The following TP63 variants were observed in gnomAD, a reference collection of about 807,000 sequenced individuals.
TP63 encodes tumor protein 63.
A neutral mutation model predicts 82.8 loss-of-function variants in TP63; 17 were observed. The observed-to-expected ratio is 0.21, with a 90% confidence interval of 0.14 to 0.31. The LOEUF (loss-of-function observed/expected upper bound fraction) is 0.31. Ranked by LOEUF, TP63 falls within the 10% of genes least tolerant of loss-of-function variation. The probability of loss-of-function intolerance (pLI) is 1.00; values close to 1 mark genes in which losing one functional copy is unlikely to be tolerated. For missense variants in TP63, 648 were observed against 895.3 expected (o/e 0.72, Z 3.52); for synonymous variants, 330 against 321.7 (o/e 1.03, Z -0.28).
chr3:189,715,184 G>A (rs995009496), intron 1 of TP63, among the ~76,000 whole-genome samples: 1 of 151,964 alleles, frequency 6.6e-6, no homozygotes, highest in African/African-American at 2.4e-5. Context: ...AGAAATCTTT[G>A]AGGCCCTAGA....
intron 1 of TP63, among the ~76,000 whole-genome samples, chr3:189,655,956 A>G (rs1713315180): frequency 1.3e-5 from 2 of 152,204 alleles, no homozygotes; most frequent in South Asian, 2.1e-4. Flanking sequence ...AAGAAAAGAC[A>G]TTGACAGGGA....
At chr3:189,777,089 C>T (rs1723860387) in intron 3 of TP63, among the ~76,000 whole-genome samples, 1 of 152,202 alleles carries the variant, frequency 6.6e-6, no homozygotes, top group Non-Finnish European at 1.5e-5. Context: ...GAGAAAGATA[C>T]AGATAATTCA....
intron 1 of TP63, among the ~76,000 whole-genome samples, chr3:189,733,542 A>T (rs1577321340): frequency 6.6e-6 from 1 of 152,216 alleles, no homozygotes; most frequent in East Asian, 1.9e-4. Flanking sequence ...GATGTTGGGG[A>T]TGTCCTTATG....
intron 1 of TP63, among the ~76,000 whole-genome samples, chr3:189,685,336 A>G (rs1716348391): frequency 6.6e-6 from 1 of 152,162 alleles, no homozygotes. Flanking sequence ...TTTGCCCTGC[A>G]TTGCAGGTTG....
chr3:189,759,619 C>T lies in TP63; in HGVS notation c.324+20845C>T, dbSNP rs766733641. Among the ~76,000 whole-genome samples the T allele has an allele frequency of 9.2e-5, 14 of 152,192 alleles. No homozygotes were observed. In the East Asian group the frequency reaches 1.3e-3, roughly 15 times the overall value. On this transcript the variant is annotated intron_variant, in intron 3 of 13. Coordinates refer to ENST00000264731, the MANE Select transcript of TP63 (RefSeq NM_003722.5). ...GGGACAAATTGAAGCTAAGGGCTCA[C>T]GGGTCATAGGTGGACTCAAAGATTT...
intron 1 of TP63, among the ~76,000 whole-genome samples, chr3:189,720,791 G>C (rs1719332043): frequency 6.6e-6 from 1 of 151,044 alleles, no homozygotes; most frequent in Admixed American, 6.6e-5. Context: ...GAGCAGATAG[G>C]GAGATAGGGA....
Position 189,827,078 on chromosome 3 carries a change from T to G in TP63, c.579+18552T>G, listed in dbSNP as rs575416740. ...AAGCCCATAATATAGTTCCTGCCAC[T>G]GAGCAGGGCCTTGATAAATTGTGCT... On this transcript the variant is annotated intron_variant, in intron 4 of 13. Coordinates refer to ENST00000264731, the MANE Select transcript of TP63 (RefSeq NM_003722.5). 1.3e-4 allele frequency among the ~76,000 whole-genome samples: 20 copies of G among 152,360 alleles called. No individual in the cohort carries two copies. The East Asian group carries it at 3.7e-3, about 28-fold the overall frequency.
At chr3:189,814,018 G>T (rs1560211123) in intron 4 of TP63, among the ~76,000 whole-genome samples, 1 of 152,194 alleles carries the variant, frequency 6.6e-6, no homozygotes, top group Non-Finnish European at 1.5e-5. Context: ...GGTGGCGTTT[G>T]AAAGGGGAAC....
intron 1 of TP63, among the ~76,000 whole-genome samples, chr3:189,685,346 G>T (rs1026488711): frequency 6.6e-6 from 1 of 152,138 alleles, no homozygotes; most frequent in Non-Finnish European, 1.5e-5. Context: ...ATTGCAGGTT[G>T]TTTCTTCCTC....
intron 3 of TP63, among the ~76,000 whole-genome samples, chr3:189,763,189 G>A (rs2108542245): frequency 6.6e-6 from 1 of 152,226 alleles, no homozygotes; most frequent in South Asian, 2.1e-4. Flanking sequence ...TGGGAGTGTT[G>A]CTTGAGCCTG....
chr3:189,810,239 G>A, intron 4 of TP63, among the ~76,000 whole-genome samples: 1 of 152,128 alleles, frequency 6.6e-6, no homozygotes, highest in East Asian at 1.9e-4. Context: ...ATAGTTGGTT[G>A]ATTGATCTAA....
chr3:189,721,498 G>T (rs918901067), intron 1 of TP63, among the ~76,000 whole-genome samples: 3 of 151,448 alleles, frequency 2.0e-5, no homozygotes, highest in Admixed American at 1.3e-4. Context: ...TGCATTGCCC[G>T]TTGTGATTGG....
chr3:189,815,996 A>G (rs142434062), intron 4 of TP63, among the ~76,000 whole-genome samples: 1 of 152,260 alleles, frequency 6.6e-6, no homozygotes, highest in African/African-American at 2.4e-5. Flanking sequence ...GCAGGATTGG[A>G]TACTTGGAAG....
chr3:189,748,508 C>CAAAAAAAAAAAAAAAAAAAAAAAAAA (rs58926854), intron 3 of TP63, among the ~76,000 whole-genome samples: 1 of 31,258 alleles, frequency 3.2e-5, no homozygotes, highest in Admixed American at 4.3e-4. Context: ...AGGAAAACTA[C>CAAAAAAAAAAAAAAAAAAAAAAAAAA]AAAAAAAAAA....
At chr3:189,623,506 T>C in the TP63 span, among the ~76,000 whole-genome samples, 5 of 152,176 alleles carry the variant, frequency 3.3e-5, no homozygotes, top group Admixed American at 3.3e-4. Context: ...GTCTATGAAG[T>C]TGAAGATGAT....
intron 1 of TP63, among the ~76,000 whole-genome samples, chr3:189,656,543 C>T (rs922291470): frequency 1.3e-5 from 2 of 151,958 alleles, no homozygotes; most frequent in African/African-American, 4.8e-5. Flanking sequence ...ATGGTTTAAA[C>T]ATACCAAGTA....
intron 3 of TP63, among the ~76,000 whole-genome samples, chr3:189,775,220 C>CAAAAA (rs56288032): frequency 8.6e-5 from 8 of 93,006 alleles, no homozygotes; most frequent in African/African-American, 2.6e-4. Context: ...AACTCTGTCT[C>CAAAAA]AAAAAAAAAA....
intron 3 of TP63, among the ~76,000 whole-genome samples, chr3:189,752,437 T>C (rs1479359335): frequency 6.6e-6 from 1 of 152,176 alleles, no homozygotes; most frequent in Non-Finnish European, 1.5e-5. Context: ...CACCTCAGCC[T>C]CCCAAATTTC....
At chr3:189,740,445 TGAA>T (rs1720898865) in intron 3 of TP63, among the ~76,000 whole-genome samples, 1 of 151,580 alleles carries the variant, frequency 6.6e-6, no homozygotes, top group Non-Finnish European at 1.5e-5. Context: ...AGTTAAAAAA[TGAA>T]GAATTTTCTC....
Sources: allele counts gnomAD v4.1 joint callset (sites outside exome capture counted in the v4.1 genomes callset), GRCh38; gene constraint gnomAD v4.1.1; transcripts MANE v1.5; gene names NCBI Gene and HGNC (gene_info 2026-07-23, HGNC 2026-07-21).